Variants in B3GALT1 observed in about 807,000 individuals in gnomAD.
The protein encoded by B3GALT1 is beta-1,3-galactosyltransferase 1.
Under a neutral mutation model 23.2 loss-of-function variants are expected in B3GALT1, and 10 were observed. The observed-to-expected ratio is 0.43, with a 90% CI of 0.27 to 0.73. The LOEUF (loss-of-function observed/expected upper bound fraction) is 0.73. B3GALT1 is among the 30% of genes least tolerant of loss of function. The probability of loss-of-function intolerance (pLI) is 0.21; values close to 1 mark genes in which losing one functional copy is unlikely to be tolerated. For synonymous variants in B3GALT1, 156 were observed against 141.5 expected (o/e 1.10, Z -0.73); for missense variants, 299 against 405.4 (o/e 0.74, Z 2.25).
chr2:167,520,070 T>TATTAATATGAAAGATAAAAAC (rs1700165550), intron 2 of B3GALT1, among the ~76,000 whole-genome samples: 1 of 151,056 alleles, frequency 6.6e-6, no homozygotes, highest in Non-Finnish European at 1.5e-5. Flanking sequence ...GAAAGAAAAA[T>TATTAATATGAAAGATAAAAAC]ATATTAATAT....
At chr2:167,523,578 A>G (rs1171371063) in intron 2 of B3GALT1, among the ~76,000 whole-genome samples, 3 of 152,000 alleles carry the variant, frequency 2.0e-5, no homozygotes, top group Non-Finnish European at 4.4e-5. Context: ...GGTGTGCACC[A>G]CCATGCCCAG....
chr2:167,718,772 T>C (rs1476793691), intron 3 of B3GALT1, among the ~76,000 whole-genome samples: 4 of 151,948 alleles, frequency 2.6e-5, no homozygotes, highest in Non-Finnish European at 5.9e-5. Flanking sequence ...GGCCTGTTTG[T>C]TTAGATAGGG....
intron 2 of B3GALT1, among the ~76,000 whole-genome samples, chr2:167,561,861 A>G (rs868685374): frequency 5.3e-4 from 80 of 152,318 alleles, no homozygotes; most frequent in Admixed American, 2.2e-3. Context: ...ATTCACAGCC[A>G]AATTCTACCA....
chr2:167,483,927 C>T (rs1024546698), intron 1 of B3GALT1, among the ~76,000 whole-genome samples: 1 of 152,116 alleles, frequency 6.6e-6, no homozygotes, highest in African/African-American at 2.4e-5. Flanking sequence ...ATGGAAATTC[C>T]AAAACCCTCT....
chr2:167,666,723 T>G (rs1686197774), intron 3 of B3GALT1, among the ~76,000 whole-genome samples: 1 of 152,182 alleles, frequency 6.6e-6, no homozygotes, highest in African/African-American at 2.4e-5. Context: ...TTTGTCTCTT[T>G]TTATCTTTGT....
intron 1 of B3GALT1, among the ~76,000 whole-genome samples, chr2:167,368,632 T>A (rs1240576057): frequency 6.6e-6 from 1 of 152,234 alleles, no homozygotes; most frequent in African/African-American, 2.4e-5. Context: ...TCGTTGCATC[T>A]CTTTAAGCAG....
At chr2:167,546,236 A>G (rs1283363303) in intron 2 of B3GALT1, among the ~76,000 whole-genome samples, 3 of 152,168 alleles carry the variant, frequency 2.0e-5, no homozygotes, top group Admixed American at 6.5e-5. Context: ...CCTGGATGGT[A>G]TTGCCCTCTC....
At chr2:167,581,224 T>C (rs951401570) in intron 2 of B3GALT1, among the ~76,000 whole-genome samples, 1 of 152,168 alleles carries the variant, frequency 6.6e-6, no homozygotes, top group Non-Finnish European at 1.5e-5. Context: ...ACTGCCCATG[T>C]CCAAAGCATG....
chr2:167,818,790 ACAGGTAGGCGAGAAAC>A lies in B3GALT1; in HGVS notation c.-230+14_-230+29del. ...AGGAAAACACAGCACGCTGGAGCCAACAGGTAGGCGAGAAACCAGGTAGGCGAGAAACACGTTTCTC... is the reference window on the plus strand; with the variant it reads ...AGGAAAACACAGCACGCTGGAGCCAACAGGTAGGCGAGAAACACGTTTCTC... On this transcript the variant is annotated splice_donor_variant and splice_donor_5th_base_variant and 5_prime_UTR_variant and intron_variant, in exon 4 of 5. Transcript: ENST00000392690. LOFTEE classifies it low-confidence loss of function (5UTR_SPLICE). 5.3e-5 allele frequency among the ~76,000 whole-genome samples: 8 copies of A among 152,160 alleles called. No homozygotes were observed. The highest frequency in any genetic ancestry group is 2.0e-4 in the Admixed American group (3 of 15,276).
At chr2:167,696,178 A>G (rs1686788808) in intron 3 of B3GALT1, among the ~76,000 whole-genome samples, 1 of 151,776 alleles carries the variant, frequency 6.6e-6, no homozygotes, top group Admixed American at 6.6e-5. Flanking sequence ...TCAAAACCTA[A>G]CTTACATTCT....
intron 1 of B3GALT1, among the ~76,000 whole-genome samples, chr2:167,305,179 G>T (rs1696529851): frequency 6.6e-6 from 1 of 152,104 alleles, no homozygotes; most frequent in Non-Finnish European, 1.5e-5. Flanking sequence ...TATCTTTCCA[G>T]ATACTGTGCC....
intron 2 of B3GALT1, among the ~76,000 whole-genome samples, chr2:167,605,655 T>A (rs1402172498): frequency 1.3e-5 from 2 of 152,240 alleles, no homozygotes; most frequent in Non-Finnish European, 2.9e-5. Flanking sequence ...CCTGTGATAT[T>A]CTTTTGGTCA....
At chr2:167,642,308 A>G (rs1685666694) in intron 2 of B3GALT1, among the ~76,000 whole-genome samples, 1 of 152,318 alleles carries the variant, frequency 6.6e-6, no homozygotes, top group Non-Finnish European at 1.5e-5. Context: ...GTTAACCTAA[A>G]GCTATATCTT....
chr2:167,308,984 G>A (rs1309906649), intron 1 of B3GALT1, among the ~76,000 whole-genome samples: 2 of 151,910 alleles, frequency 1.3e-5, no homozygotes, highest in Non-Finnish European at 2.9e-5. Context: ...TAGTGATATC[G>A]GCAACTTTAC....
chr2:167,394,287 A>G (rs748823238), intron 1 of B3GALT1, among the ~76,000 whole-genome samples: 1 of 152,326 alleles, frequency 6.6e-6, no homozygotes, highest in African/African-American at 2.4e-5. Context: ...CGTTTTCTAT[A>G]TCTATACAGA....
chr2:167,550,729 G>C (rs558080605), intron 2 of B3GALT1, among the ~76,000 whole-genome samples: 19 of 152,302 alleles, frequency 1.2e-4, no homozygotes, highest in African/African-American at 4.6e-4. Context: ...TGTTGAAAGA[G>C]GGATGAAAGA....
At chr2:167,437,313 T>A (rs1197902320) in intron 1 of B3GALT1, among the ~76,000 whole-genome samples, 1 of 152,204 alleles carries the variant, frequency 6.6e-6, no homozygotes, top group Non-Finnish European at 1.5e-5. Context: ...CTACCCTATT[T>A]TGAGGACAAA....
intron 1 of B3GALT1, among the ~76,000 whole-genome samples, chr2:167,310,808 G>A (rs983840660): frequency 5.7e-4 from 87 of 152,130 alleles, no homozygotes; most frequent in Non-Finnish European, 2.1e-4. Flanking sequence ...TGAGTTAAAG[G>A]CCATTTCAGA....
intron 4 of B3GALT1, among the ~76,000 whole-genome samples, chr2:167,863,083 T>A (rs1690136079): frequency 6.6e-6 from 1 of 152,214 alleles, no homozygotes; most frequent in Non-Finnish European, 1.5e-5. Flanking sequence ...ACTGATACAC[T>A]AACTGGTCTG....
Sources: allele counts gnomAD v4.1 joint callset (sites outside exome capture counted in the v4.1 genomes callset), GRCh38; gene constraint gnomAD v4.1.1; transcripts MANE v1.5; gene names NCBI Gene and HGNC (gene_info 2026-07-23, HGNC 2026-07-21).